The following LRP1B variants were observed in gnomAD, a reference collection of about 807,000 sequenced individuals.
The protein encoded by LRP1B is LDL receptor related protein 1B, also known as low-density lipoprotein receptor-related protein 1B.
A neutral mutation model predicts 556.6 loss-of-function variants in LRP1B; 217 were observed. That is an observed-to-expected ratio of 0.39 (90% CI 0.35 to 0.44). The LOEUF is 0.44. LRP1B is among the 20% of genes least tolerant of loss of function. The probability of loss-of-function intolerance (pLI) is 1.00; values close to 1 mark genes in which losing one functional copy is unlikely to be tolerated. For missense variants in LRP1B, 5,053 were observed against 5,620.8 expected (o/e 0.90, Z 3.23); for synonymous variants, 2,047 against 1,865.8 (o/e 1.10, Z -2.50).
intron 35 of LRP1B, among the ~76,000 whole-genome samples, chr2:140,733,290 A>G (rs1687838477): frequency 1.3e-5 from 2 of 152,136 alleles, no homozygotes; most frequent in Admixed American, 1.3e-4. Context: ...CCTATAATAT[A>G]TGTCCTATTC....
chr2:141,532,861 C>T (rs776235714), intron 2 of LRP1B, among the ~76,000 whole-genome samples: 19 of 152,040 alleles, frequency 1.2e-4, no homozygotes, highest in Non-Finnish European at 2.4e-4. Flanking sequence ...TGGTGCATGC[C>T]GGTAATCCCA....
chr2:141,081,404 G>T (rs898196765), intron 7 of LRP1B, among the ~76,000 whole-genome samples: 1 of 152,144 alleles, frequency 6.6e-6, no homozygotes, highest in Non-Finnish European at 1.5e-5. Context: ...TAAATGAGAT[G>T]CAGTGTTTAG....
intron 58 of LRP1B, 111 bp downstream of exon 58, chr2:140,487,506 C>CG: frequency 1.0e-6 from 1 of 985,690 alleles, no homozygotes; most frequent in Non-Finnish European, 1.5e-6. Context: ...AAATTGAAAC[C>CG]ACCCTAATGC....
intron 7 of LRP1B, among the ~76,000 whole-genome samples, chr2:141,066,653 A>T (rs185407014): frequency 6.6e-6 from 1 of 152,116 alleles, no homozygotes; most frequent in Admixed American, 6.6e-5. Context: ...CATGTCCTTT[A>T]ACTGCATGGT....
intron 3 of LRP1B, among the ~76,000 whole-genome samples, chr2:141,342,488 G>A (rs1362812864): frequency 1.3e-5 from 2 of 151,684 alleles, no homozygotes; most frequent in Non-Finnish European, 2.9e-5. Flanking sequence ...AAACTCACAA[G>A]GTCTGAGCTA....
chr2:142,075,736 T>G (rs983544314), intron 1 of LRP1B, among the ~76,000 whole-genome samples: 2 of 152,094 alleles, frequency 1.3e-5, no homozygotes, highest in African/African-American at 2.4e-5. Context: ...CCTCTATTCC[T>G]CTCTCCCTGA....
chr2:141,043,235 TAAAC>T (rs1698759951), intron 11 of LRP1B, among the ~76,000 whole-genome samples: 1 of 72,166 alleles, frequency 1.4e-5, no homozygotes, highest in African/African-American at 3.5e-5. Flanking sequence ...TTAAAATAAA[TAAAC>T]AAATAAATAA....
chr2:140,300,228 C>G (rs899019609), intron 83 of LRP1B, among the ~76,000 whole-genome samples: 1 of 152,084 alleles, frequency 6.6e-6, no homozygotes, highest in South Asian at 2.1e-4. Context: ...TTCTTTCTGA[C>G]AAGTAGAAAT....
intron 20 of LRP1B, among the ~76,000 whole-genome samples, chr2:140,943,205 T>C (rs965720190): frequency 2.6e-5 from 4 of 152,056 alleles, no homozygotes; most frequent in South Asian, 4.1e-4. Flanking sequence ...TACATAATGA[T>C]AAAGGGTTCA....
At chr2:141,427,271 AT>A (rs1328944844) in intron 3 of LRP1B, among the ~76,000 whole-genome samples, 2 of 152,246 alleles carry the variant, frequency 1.3e-5, no homozygotes, top group African/African-American at 2.4e-5. Context: ...TATGTAATGT[AT>A]TATAGTACAA....
intron 1 of LRP1B, among the ~76,000 whole-genome samples, chr2:141,906,794 G>C (rs1699772136): frequency 6.6e-6 from 1 of 151,998 alleles, no homozygotes; most frequent in African/African-American, 2.4e-5. Context: ...TGGTTACAAA[G>C]TAGACAAAGA....
intron 11 of LRP1B, among the ~76,000 whole-genome samples, chr2:141,044,522 CT>C (rs1404193675): frequency 6.7e-6 from 1 of 149,510 alleles, no homozygotes; most frequent in Non-Finnish European, 1.5e-5. Flanking sequence ...ACCTACTCAT[CT>C]GACAAAGGGC....
intron 66 of LRP1B, among the ~76,000 whole-genome samples, chr2:140,434,420 T>TGAA (rs1686086315): frequency 6.6e-6 from 1 of 152,176 alleles, no homozygotes; most frequent in Non-Finnish European, 1.5e-5. Flanking sequence ...CAATTTCTTA[T>TGAA]GAAGATTTCT....
At chr2:141,736,950 C>T (rs764010555) in intron 2 of LRP1B, among the ~76,000 whole-genome samples, 6 of 152,160 alleles carry the variant, frequency 3.9e-5, no homozygotes, top group Non-Finnish European at 7.4e-5. Context: ...ACTTAGATTT[C>T]CTCTGGCCTC....
chr2:141,724,891 T>A (rs944457402), intron 2 of LRP1B, among the ~76,000 whole-genome samples: 27 of 151,986 alleles, frequency 1.8e-4, no homozygotes, highest in Non-Finnish European at 1.8e-4. Context: ...TTACATTAAG[T>A]TACATTAAAA....
At chr2:141,927,323 G>C (rs1700360819) in intron 1 of LRP1B, among the ~76,000 whole-genome samples, 1 of 151,978 alleles carries the variant, frequency 6.6e-6, no homozygotes, top group South Asian at 2.1e-4. Context: ...CTTCAGAACT[G>C]TCCTCTACCT....
At chr2:141,392,038 T>C (rs1690067872) in intron 3 of LRP1B, among the ~76,000 whole-genome samples, 1 of 152,060 alleles carries the variant, frequency 6.6e-6, no homozygotes, top group African/African-American at 2.4e-5. Flanking sequence ...AGCTGATGAG[T>C]GGACCATGGT....
chr2:140,751,544 C>T (rs1688579668), intron 35 of LRP1B, among the ~76,000 whole-genome samples: 1 of 152,176 alleles, frequency 6.6e-6, no homozygotes, highest in East Asian at 1.9e-4. Flanking sequence ...TCCCTTGATA[C>T]CTGAGTTGAT....
intron 5 of LRP1B, among the ~76,000 whole-genome samples, chr2:141,235,296 A>G (rs1019850371): frequency 3.5e-4 from 54 of 152,214 alleles, no homozygotes; most frequent in African/African-American, 1.3e-3. Flanking sequence ...ATTAACTGGG[A>G]TCTGAAAGAG....
Sources: gnomAD v4.1 joint callset for allele counts (sites outside exome capture counted in the v4.1 genomes callset) on GRCh38, gnomAD v4.1.1 for gene constraint, MANE v1.5 for transcripts, NCBI Gene and HGNC (gene_info 2026-07-23, HGNC 2026-07-21) for gene names.